RNGTT: variants seen among roughly 807,000 people sequenced by gnomAD.
RNGTT encodes the protein RNA guanylyltransferase and 5'-phosphatase.
RNGTT carries 33 observed loss-of-function variants against 79.3 expected under a neutral mutation model. The ratio of observed to expected loss-of-function variants is 0.42; its 90% CI spans 0.32 to 0.56. The LOEUF (loss-of-function observed/expected upper bound fraction) is 0.56, where lower values mean the gene tolerates loss of function less well. Among genes scored for constraint, RNGTT ranks in the 20% least tolerant of loss-of-function variants. The probability of loss-of-function intolerance (pLI) is 0.17; values close to 1 mark genes in which losing one functional copy is unlikely to be tolerated. For missense variants in RNGTT, 497 were observed against 739.1 expected (o/e 0.67, Z 3.80); for synonymous variants, 222 against 235.9 (o/e 0.94, Z 0.54).
At chr6:88,709,296 C>T (rs887156585) in intron 13 of RNGTT, among the ~76,000 whole-genome samples, 3 of 142,640 alleles carry the variant, frequency 2.1e-5, no homozygotes, top group African/African-American at 5.3e-5. Flanking sequence ...CAGAGTGAGA[C>T]TCAGTCTTCA....
At chr6:88,729,820 C>T (rs1293572638) in intron 13 of RNGTT, among the ~76,000 whole-genome samples, 1 of 152,154 alleles carries the variant, frequency 6.6e-6, no homozygotes, top group Non-Finnish European at 1.5e-5. Context: ...ACTGCTCTGT[C>T]CAATGAGTTA....
chr6:88,644,349 G>T (rs1185479120), intron 14 of RNGTT, among the ~76,000 whole-genome samples: 1 of 152,074 alleles, frequency 6.6e-6, no homozygotes, highest in South Asian at 2.1e-4. Flanking sequence ...CTGAAATTGA[G>T]GCAATAATTA....
At chr6:88,786,740 T>C (rs896213492) in intron 12 of RNGTT, among the ~76,000 whole-genome samples, 1 of 152,174 alleles carries the variant, frequency 6.6e-6, no homozygotes, top group Non-Finnish European at 1.5e-5. Flanking sequence ...TTTTGTCAAG[T>C]ATAGGTTACA....
intron 11 of RNGTT, among the ~76,000 whole-genome samples, chr6:88,829,244 T>C (rs1406557356): frequency 6.6e-6 from 1 of 152,158 alleles, no homozygotes; most frequent in East Asian, 1.9e-4. Flanking sequence ...AGGAAAGAAT[T>C]TTCAACCCAG....
intron 1 of RNGTT, among the ~76,000 whole-genome samples, chr6:88,950,859 TG>T (rs1448995900): frequency 1.5e-5 from 2 of 137,898 alleles, no homozygotes; most frequent in South Asian, 5.3e-4. Context: ...TAACTGTTTT[TG>T]GTTTTTTTTT....
intron 6 of RNGTT, among the ~76,000 whole-genome samples, chr6:88,901,901 G>T (rs1036865006): frequency 2.6e-5 from 4 of 152,124 alleles, no homozygotes; most frequent in Admixed American, 6.5e-5. Context: ...TACCCACATG[G>T]AAGGAAATAA....
intron 14 of RNGTT, among the ~76,000 whole-genome samples, chr6:88,634,120 T>A (rs892976840): frequency 6.6e-6 from 1 of 152,178 alleles, no homozygotes; most frequent in Non-Finnish European, 1.5e-5. Flanking sequence ...CTGGATAATA[T>A]ATACTTTAAA....
At chr6:88,818,412 G>A (rs569617121) in intron 11 of RNGTT, among the ~76,000 whole-genome samples, 3 of 151,872 alleles carry the variant, frequency 2.0e-5, no homozygotes, top group Non-Finnish European at 2.9e-5. Flanking sequence ...GTGAAACCCC[G>A]TCTCTACTAA....
chr6:88,743,797 A>C (rs1777571804), intron 13 of RNGTT, among the ~76,000 whole-genome samples: 1 of 152,184 alleles, frequency 6.6e-6, no homozygotes, highest in African/African-American at 2.4e-5. Flanking sequence ...ATCTCTTTGA[A>C]ACCTCATTTT....
At chr6:88,670,568 G>A (rs1439170639) in intron 14 of RNGTT, among the ~76,000 whole-genome samples, 1 of 152,138 alleles carries the variant, frequency 6.6e-6, no homozygotes, top group Non-Finnish European at 1.5e-5. Flanking sequence ...AAAAAAAGAA[G>A]CAGAAGTGAG....
At chr6:88,942,819 G>A (rs1311660951) in intron 1 of RNGTT, among the ~76,000 whole-genome samples, 4 of 152,136 alleles carry the variant, frequency 2.6e-5, no homozygotes, top group African/African-American at 9.7e-5. Flanking sequence ...CCTCCACATT[G>A]CTAAATCAAA....
At chr6:88,879,350 C>T (rs1782622448) in intron 8 of RNGTT, among the ~76,000 whole-genome samples, 2 of 152,268 alleles carry the variant, frequency 1.3e-5, no homozygotes, top group East Asian at 1.9e-4. Context: ...GCTGAGACCA[C>T]GCCATTGCAC....
In RNGTT at chr6:88,891,913, G is replaced by T; in HGVS notation, c.687C>A (p.Gly229=). 6.5e-7 allele frequency: 1 copy of T among 1,528,834 alleles called. No individual in the cohort carries two copies. The highest frequency in any genetic ancestry group is 8.8e-7 in the Non-Finnish European group (1 of 1,142,700). 94.7% of individuals were successfully genotyped at this position (1,528,834 alleles called of 1,614,324 possible). Residue 229 remains glycine, a splice_region_variant and synonymous_variant, in exon 7 of 16, where the codon GGC becomes GGA. Transcript: ENST00000369485. The part of the protein sequence containing the change: ...GKRRKERLKL[G]AIFLEGVTVK... ...CAGTAACACCTTCCAAGAAAATAGCGCCCTTTAAAAAAAAAATAAGAAAAA... is the reference window on the plus strand; with the variant it reads ...CAGTAACACCTTCCAAGAAAATAGCTCCCTTTAAAAAAAAAATAAGAAAAA...
intron 8 of RNGTT, among the ~76,000 whole-genome samples, chr6:88,863,850 A>G (rs1325848251): frequency 1.3e-5 from 2 of 152,144 alleles, no homozygotes; most frequent in Non-Finnish European, 2.9e-5. Context: ...TGAAAAATCC[A>G]AGTTCCAGAG....
chr6:88,829,646 G>A (rs1200664211), intron 11 of RNGTT, among the ~76,000 whole-genome samples: 2 of 143,040 alleles, frequency 1.4e-5, no homozygotes, highest in Admixed American at 7.4e-5. Context: ...CTATGTGTGT[G>A]CAAAGACACA....
rs201647829 is a variant in RNGTT at position 88,929,077 on chromosome 6, G to A, written c.279-4C>T. ...AGTGGTAGGGCACTCACCATGTCTA[G>A]TAATATAGAAAAAGTTTTTTTGAAA... On this transcript the variant is annotated splice_region_variant and splice_polypyrimidine_tract_variant and intron_variant, in intron 3 of 15. Coordinates refer to ENST00000369485, the MANE Select transcript of RNGTT (RefSeq NM_003800.5). The A allele has an allele frequency of 9.2e-5, 148 of 1,606,936 alleles. No homozygotes were observed. Among genetic ancestry groups the A allele is most frequent in the Non-Finnish European group, 1.2e-4 (141 of 1,176,732 alleles).
At chr6:88,862,884 C>T (rs79148071) in intron 8 of RNGTT, among the ~76,000 whole-genome samples, 4 of 152,136 alleles carry the variant, frequency 2.6e-5, no homozygotes, top group African/African-American at 7.2e-5. Flanking sequence ...AATTTTCATT[C>T]GGCAATATAA....
chr6:88,723,167 G>A (rs1221287509), intron 13 of RNGTT, among the ~76,000 whole-genome samples: 1 of 152,210 alleles, frequency 6.6e-6, no homozygotes, highest in African/African-American at 2.4e-5. Context: ...TACTGGCCCT[G>A]AAGACCTCCA....
chr6:88,687,813 G>T (rs1024098764), intron 13 of RNGTT, among the ~76,000 whole-genome samples: 1 of 152,146 alleles, frequency 6.6e-6, no homozygotes, highest in Non-Finnish European at 1.5e-5. Flanking sequence ...TGAGGGATAG[G>T]TGAAAACAGG....
Sources: allele counts gnomAD v4.1 joint callset (sites outside exome capture counted in the v4.1 genomes callset), GRCh38; gene constraint gnomAD v4.1.1; transcripts MANE v1.5; gene names NCBI Gene and HGNC (gene_info 2026-07-23, HGNC 2026-07-21).